Variants in MAP3K5 observed in about 807,000 individuals in gnomAD.
MAP3K5 encodes the protein mitogen-activated protein kinase kinase kinase 5.
Under a neutral mutation model 158.7 loss-of-function variants are expected in MAP3K5, and 56 were observed. The ratio of observed to expected loss-of-function variants is 0.35; its 90% CI spans 0.28 to 0.44. MAP3K5 has a LOEUF of 0.44. MAP3K5 is among the 20% of genes least tolerant of loss of function. The pLI is 1.00. For synonymous variants in MAP3K5, 579 were observed against 601.7 expected, an observed-to-expected ratio of 0.96 and a Z score of 0.55; for missense variants, 1,294 against 1,674.8, an observed-to-expected ratio of 0.77 and a Z score of 3.97.
intron 1 of MAP3K5, among the ~76,000 whole-genome samples, chr6:136,744,366 T>C (rs1263104987): frequency 1.3e-5 from 2 of 149,728 alleles, no homozygotes; most frequent in Non-Finnish European, 2.9e-5. Flanking sequence ...CACGTGTGTG[T>C]ACATACATAT....
intron 3 of MAP3K5, among the ~76,000 whole-genome samples, chr6:136,701,548 G>A (rs1189046879): frequency 6.6e-6 from 1 of 152,180 alleles, no homozygotes; most frequent in Admixed American, 6.5e-5. Context: ...AACATGTCCT[G>A]CTTCTAAAAT....
chr6:136,659,951 AAATT>A (rs1395315503), intron 8 of MAP3K5, among the ~76,000 whole-genome samples: 1 of 152,236 alleles, frequency 6.6e-6, no homozygotes, highest in African/African-American at 2.4e-5. Flanking sequence ...AAGAAAGTGA[AAATT>A]AACCTTTAAT....
intron 1 of MAP3K5, among the ~76,000 whole-genome samples, chr6:136,778,568 A>T (rs1784486089): frequency 6.6e-6 from 1 of 152,230 alleles, no homozygotes; most frequent in Admixed American, 6.5e-5. Context: ...TAGACCTTAG[A>T]TATCTTGCAG....
intron 17 of MAP3K5, among the ~76,000 whole-genome samples, chr6:136,611,725 T>C (rs1162996589): frequency 6.6e-6 from 1 of 152,036 alleles, no homozygotes; most frequent in Non-Finnish European, 1.5e-5. Context: ...CTTGGAGAAA[T>C]TTAATTTATA....
chr6:136,742,666 TTCTGC>T (rs1329307489), intron 1 of MAP3K5, among the ~76,000 whole-genome samples: 2 of 152,146 alleles, frequency 1.3e-5, no homozygotes. Context: ...AACTAAAAAT[TTCTGC>T]TCAGCAAAAA....
intron 23 of MAP3K5, among the ~76,000 whole-genome samples, chr6:136,590,447 C>T (rs898510491): frequency 1.3e-5 from 2 of 152,152 alleles, no homozygotes; most frequent in Admixed American, 1.3e-4. Flanking sequence ...CTGTTTTGCC[C>T]AATGTTGTTT....
intron 2 of MAP3K5, among the ~76,000 whole-genome samples, chr6:136,706,846 G>A (rs1781096669): frequency 6.6e-6 from 1 of 152,190 alleles, no homozygotes; most frequent in Non-Finnish European, 1.5e-5. Context: ...CCATGAAGAT[G>A]TACACAAAAC....
At chr6:136,570,660 T>C (rs753764260) in intron 25 of MAP3K5, among the ~76,000 whole-genome samples, 1 of 152,194 alleles carries the variant, frequency 6.6e-6, no homozygotes, top group Non-Finnish European at 1.5e-5. Context: ...TTTTAAAAAG[T>C]GCATAACAGA....
chr6:136,691,794 T>G (rs1780399283), intron 7 of MAP3K5, among the ~76,000 whole-genome samples: 2 of 152,192 alleles, frequency 1.3e-5, no homozygotes, highest in Admixed American at 6.5e-5. Context: ...CATTTCAACT[T>G]CAGATATTGT....
rs137874013 is a variant in MAP3K5, at chr6:136,698,565, G to T, written c.730C>A (p.Leu244Met). 6.2e-7 allele frequency: 1 copy of T among 1,614,056 alleles called. No homozygotes were observed. Among genetic ancestry groups the T allele is most frequent in the Non-Finnish European group, 8.5e-7 (1 of 1,179,970 alleles). The change falls in exon 4 of 30, where the codon CTG becomes ATG. Residue 244 changes from leucine (L) to methionine (M), a missense_variant. Transcript: ENST00000359015. ...LTELMQPNFE[L>M]LLGPICLPLV... is the part of the protein sequence containing the mutation. Reference sequence around the variant, plus strand: ...GGTAAGCAGATGGGTCCAAGAAGCAGCTCGAAGTTCGGTTGCATGAGCTCT... The same window carrying T: ...GGTAAGCAGATGGGTCCAAGAAGCATCTCGAAGTTCGGTTGCATGAGCTCT...
intron 19 of MAP3K5, among the ~76,000 whole-genome samples, 181 bp from the exon 20 acceptor site, chr6:136,602,160 GT>G (rs922641701): frequency 6.6e-6 from 1 of 152,208 alleles, no homozygotes; most frequent in Non-Finnish European, 1.5e-5. Flanking sequence ...GATCAACAGA[GT>G]GCCTTGGTAC....
intron 7 of MAP3K5, among the ~76,000 whole-genome samples, chr6:136,689,306 A>G (rs992892747): frequency 6.6e-6 from 1 of 152,256 alleles, no homozygotes. Context: ...TTTCTAAAAA[A>G]TAAAAGTTTT....
chr6:136,748,053 T>A (rs934910176), intron 1 of MAP3K5, among the ~76,000 whole-genome samples: 8 of 152,178 alleles, frequency 5.3e-5, no homozygotes, highest in African/African-American at 1.9e-4. Flanking sequence ...AAACAAAATT[T>A]CCATTTTCTG....
At position 136,792,005 on chromosome 6, in the gene MAP3K5, C is replaced by T. The variant is rs1209904903; in HGVS notation, c.153G>A (p.Pro51=). 8.9e-6 allele frequency: 14 copies of T among 1,572,970 alleles called. No individual in the cohort carries two copies. Among genetic ancestry groups the T allele is most frequent in the Non-Finnish European group, 1.1e-5 (13 of 1,158,942 alleles). Residue 51 remains proline (P), a synonymous_variant, in exon 1 of 30, where the codon CCG becomes CCA. Coordinates refer to ENST00000359015, the MANE Select transcript of MAP3K5 (RefSeq NM_005923.4). The surrounding 1 kb of genome is among the most constrained non-coding windows in gnomAD (Gnocchi z 5.7). ...GEEHQLPPPP[P]GSFWNVESAA... ...CGCTCTCCACGTTCCAGAAGCTGCC[C>T]GGCGGCGGCGGTGGCAGCTGGTGCT...
At chr6:136,716,449 G>T (rs927150172) in intron 2 of MAP3K5, among the ~76,000 whole-genome samples, 1 of 152,142 alleles carries the variant, frequency 6.6e-6, no homozygotes, top group Non-Finnish European at 1.5e-5. Flanking sequence ...GAACATAGAG[G>T]AGCTGAGGAA....
At chr6:136,564,901 G>A (rs1024431077) in intron 26 of MAP3K5, among the ~76,000 whole-genome samples, 2 of 152,102 alleles carry the variant, frequency 1.3e-5, no homozygotes, top group African/African-American at 2.4e-5. Context: ...TAAGGTGAAC[G>A]CCAACCCATA....
intron 1 of MAP3K5, among the ~76,000 whole-genome samples, chr6:136,758,510 T>C (rs1481300831): frequency 5.3e-5 from 8 of 152,270 alleles, no homozygotes; most frequent in Non-Finnish European, 1.2e-4. Flanking sequence ...AAAAAAGCCA[T>C]GGGCCTTGCC....
chr6:136,677,707 C>A (rs1189212381), intron 7 of MAP3K5, among the ~76,000 whole-genome samples: 2 of 152,186 alleles, frequency 1.3e-5, no homozygotes, highest in Non-Finnish European at 2.9e-5. Context: ...GAATGCACAT[C>A]AATCAAGACA....
intron 21 of MAP3K5, 104 bp downstream of exon 21, chr6:136,600,918 A>G (rs1775844944): frequency 8.3e-7 from 1 of 1,210,086 alleles, no homozygotes; most frequent in Non-Finnish European, 1.2e-6. Flanking sequence ...CTTTCCCCCC[A>G]TGTAAGCCAG....
Sources: allele counts gnomAD v4.1 joint callset (sites outside exome capture counted in the v4.1 genomes callset), GRCh38; gene constraint gnomAD v4.1.1; non-coding constraint Gnocchi (gnomAD v3.1); transcripts MANE v1.5; gene names NCBI Gene and HGNC (gene_info 2026-07-23, HGNC 2026-07-21).